The following MDGA2 variants were observed in gnomAD, a reference collection of about 807,000 sequenced individuals.
MDGA2 encodes the protein MAM domain-containing glycosylphosphatidylinositol anchor protein 2.
A neutral mutation model predicts 117.8 loss-of-function variants in MDGA2; 40 were observed. The observed-to-expected ratio is 0.34, with a 90% CI of 0.26 to 0.44. The LOEUF (loss-of-function observed/expected upper bound fraction) is 0.44. MDGA2 is among the 20% of genes least tolerant of loss of function. MDGA2 has a pLI of 1.00. For synonymous variants in MDGA2, 452 were observed against 439.0 expected (o/e 1.03, Z -0.37); for missense variants, 1,123 against 1,250.6 (o/e 0.90, Z 1.54).
At chr14:47,496,275 T>C (rs990916596) in intron 1 of MDGA2, among the ~76,000 whole-genome samples, 2 of 152,160 alleles carry the variant, frequency 1.3e-5, no homozygotes, top group Admixed American at 6.5e-5. Flanking sequence ...CAGAGTTTCA[T>C]GCTATTGTCC....
At chr14:46,914,090 A>G (rs1274326417) in intron 10 of MDGA2, among the ~76,000 whole-genome samples, 1 of 152,186 alleles carries the variant, frequency 6.6e-6, no homozygotes, top group Non-Finnish European at 1.5e-5. Context: ...ATTGTGTATT[A>G]TTTAAAACTG....
chr14:47,399,683 G>A (rs183540562), intron 1 of MDGA2, among the ~76,000 whole-genome samples: 40 of 152,190 alleles, frequency 2.6e-4, no homozygotes, highest in African/African-American at 8.7e-4. Flanking sequence ...AGCAAACACT[G>A]AATGCTCAAT....
intron 1 of MDGA2, among the ~76,000 whole-genome samples, chr14:47,436,324 G>A: frequency 6.6e-6 from 1 of 152,104 alleles, no homozygotes; most frequent in East Asian, 1.9e-4. Context: ...TAGGTTTCAA[G>A]TTATGTTATA....
intron 16 of MDGA2, among the ~76,000 whole-genome samples, chr14:46,842,781 C>A (rs891411908): frequency 6.6e-6 from 1 of 152,152 alleles, no homozygotes; most frequent in Non-Finnish European, 1.5e-5. Context: ...AAAATTGAGA[C>A]ATACAATCTT....
At chr14:47,052,888 CCT>C (rs1381328278) in intron 7 of MDGA2, among the ~76,000 whole-genome samples, 41 of 151,828 alleles carry the variant, frequency 2.7e-4, no homozygotes, top group Non-Finnish European at 2.1e-4. Context: ...CCTCTCCTTT[CCT>C]CTCTTCCTCT....
intron 8 of MDGA2, among the ~76,000 whole-genome samples, chr14:46,994,998 A>C (rs1234921897): frequency 1.3e-5 from 2 of 152,126 alleles, no homozygotes; most frequent in Admixed American, 6.6e-5. Context: ...ACCAATATTA[A>C]AATAAAAAAT....
At chr14:47,228,618 T>A (rs1393590582) in intron 2 of MDGA2, among the ~76,000 whole-genome samples, 2 of 152,116 alleles carry the variant, frequency 1.3e-5, no homozygotes, top group Non-Finnish European at 2.9e-5. Flanking sequence ...ATTAATGCAT[T>A]TTTTTCTGCT....
intron 3 of MDGA2, among the ~76,000 whole-genome samples, chr14:47,150,410 A>C (rs1341012635): frequency 6.6e-6 from 1 of 152,294 alleles, no homozygotes; most frequent in East Asian, 1.9e-4. Flanking sequence ...CTCACATACC[A>C]CGGTCAAGTG....
intron 1 of MDGA2, among the ~76,000 whole-genome samples, chr14:47,644,864 T>G (rs1281799444): frequency 6.6e-6 from 1 of 152,100 alleles, no homozygotes; most frequent in Non-Finnish European, 1.5e-5. Context: ...AAATAAATCT[T>G]AAAAATATAT....
At chr14:46,903,540 C>A (rs1883374924) in intron 10 of MDGA2, among the ~76,000 whole-genome samples, 2 of 152,160 alleles carry the variant, frequency 1.3e-5, no homozygotes, top group Admixed American at 1.3e-4. Context: ...GAATGTCATT[C>A]TATTTCCAAT....
chr14:47,325,197 CT>C (rs1392640806), intron 1 of MDGA2, among the ~76,000 whole-genome samples: 1 of 152,128 alleles, frequency 6.6e-6, no homozygotes, highest in East Asian at 1.9e-4. Flanking sequence ...TCTGACTGAT[CT>C]CTCAACTAAA....
chr14:47,030,130 C>T (rs1888610573), intron 8 of MDGA2, among the ~76,000 whole-genome samples: 1 of 151,986 alleles, frequency 6.6e-6, no homozygotes, highest in African/African-American at 2.4e-5. Flanking sequence ...GCCCACATAT[C>T]CTGGTTTCTT....
At chr14:46,938,573 G>C (rs1037289840) in intron 9 of MDGA2, among the ~76,000 whole-genome samples, 3 of 82,050 alleles carry the variant, frequency 3.7e-5, no homozygotes, top group Non-Finnish European at 8.7e-5. Context: ...GACATCATCT[G>C]ACCCCAATTA....
intron 1 of MDGA2, among the ~76,000 whole-genome samples, chr14:47,461,303 A>G (rs1893482241): frequency 4.6e-5 from 1 of 21,694 alleles, no homozygotes. Context: ...GTGTGTATCT[A>G]CTGTGAGATG....
intron 1 of MDGA2, among the ~76,000 whole-genome samples, chr14:47,346,087 T>C (rs1890756720): frequency 6.6e-6 from 1 of 152,076 alleles, no homozygotes; most frequent in Non-Finnish European, 1.5e-5. Context: ...AGAAGGATGA[T>C]ATTGAATGTT....
At chr14:47,629,433 C>A (rs993417805) in intron 1 of MDGA2, among the ~76,000 whole-genome samples, 1 of 151,914 alleles carries the variant, frequency 6.6e-6, no homozygotes, top group African/African-American at 2.4e-5. Flanking sequence ...AGTTGTATGC[C>A]AAAAAAAGGA....
intron 2 of MDGA2, among the ~76,000 whole-genome samples, chr14:47,273,078 T>G (rs541832387): frequency 6.6e-6 from 1 of 152,248 alleles, no homozygotes; most frequent in Non-Finnish European, 1.5e-5. Flanking sequence ...TAGTCCCTGA[T>G]AAGCAGAACA....
At chr14:47,455,330 A>AC (rs1371814439) in intron 1 of MDGA2, among the ~76,000 whole-genome samples, 1 of 152,048 alleles carries the variant, frequency 6.6e-6, no homozygotes, top group African/African-American at 2.4e-5. Context: ...ACATGGTGAA[A>AC]CCCCATCTCC....
At chr14:46,958,332 T>C (rs1885645557) in intron 8 of MDGA2, among the ~76,000 whole-genome samples, 1 of 152,092 alleles carries the variant, frequency 6.6e-6, no homozygotes, top group Non-Finnish European at 1.5e-5. Flanking sequence ...TGGATTAGCA[T>C]AGCTGATGCA....
Sources: allele counts gnomAD v4.1 joint callset (sites outside exome capture counted in the v4.1 genomes callset), GRCh38; gene constraint gnomAD v4.1.1; transcripts MANE v1.5; gene names NCBI Gene and HGNC (gene_info 2026-07-23, HGNC 2026-07-21).